RIMS2: variants seen among roughly 807,000 people sequenced by gnomAD.
RIMS2 encodes the protein regulating synaptic membrane exocytosis protein 2.
A neutral mutation model predicts 174.4 loss-of-function variants in RIMS2; 59 were observed. The ratio of observed to expected loss-of-function variants is 0.34; its 90% CI spans 0.27 to 0.42. The LOEUF (loss-of-function observed/expected upper bound fraction) is 0.42. Ranked by LOEUF, RIMS2 falls within the 10% of genes least tolerant of loss-of-function variation. The pLI is 1.00. For missense variants in RIMS2, 1,620 were observed against 1,666.3 expected (o/e 0.97, Z 0.48); for synonymous variants, 606 against 572.5 (o/e 1.06, Z -0.84).
At chr8:103,613,563 G>A (rs960410546) in intron 1 of RIMS2, among the ~76,000 whole-genome samples, 1 of 152,168 alleles carries the variant, frequency 6.6e-6, no homozygotes, top group Non-Finnish European at 1.5e-5. Context: ...GCCTGGACTG[G>A]TACCTAAGAT....
chr8:103,899,046 T>C (rs1594787766), intron 4 of RIMS2, among the ~76,000 whole-genome samples: 2 of 151,880 alleles, frequency 1.3e-5, no homozygotes, highest in East Asian at 3.9e-4. Flanking sequence ...ACAAAGGACA[T>C]GAACTCATCA....
At chr8:103,547,376 A>G (rs889966431) in intron 1 of RIMS2, among the ~76,000 whole-genome samples, 1 of 152,208 alleles carries the variant, frequency 6.6e-6, no homozygotes, top group Non-Finnish European at 1.5e-5. Context: ...CCATGCAGTT[A>G]CATGGAAATT....
At chr8:103,620,646 A>C (rs2095612769) in intron 1 of RIMS2, among the ~76,000 whole-genome samples, 1 of 151,340 alleles carries the variant, frequency 6.6e-6, no homozygotes, top group Non-Finnish European at 1.5e-5. Context: ...CCTAGTCCCG[A>C]TTCTTAGTTA....
chr8:103,753,436 G>A (rs1308499612), intron 2 of RIMS2, among the ~76,000 whole-genome samples: 1 of 152,170 alleles, frequency 6.6e-6, no homozygotes, highest in Non-Finnish European at 1.5e-5. Flanking sequence ...GTATCAGGAT[G>A]ATGCTGGCCT....
At chr8:103,516,768 T>C (rs1383314174) in intron 1 of RIMS2, among the ~76,000 whole-genome samples, 1 of 151,978 alleles carries the variant, frequency 6.6e-6, no homozygotes, top group African/African-American at 2.4e-5. Flanking sequence ...AATAACCCAA[T>C]TGGGACAAAA....
Position 104,076,461 on chromosome 8 carries a change from T to C in RIMS2, c.3334+61846T>C, listed in dbSNP as rs1012020391. Among the ~76,000 whole-genome samples, 3 of 152,186 alleles carry C rather than the reference T, an allele frequency of 2.0e-5. No individual in the cohort carries two copies. In the South Asian group the frequency reaches 6.2e-4, roughly 32 times the overall value. On this transcript the variant is annotated intron_variant, in intron 19 of 23. Transcript: ENST00000504942. ...ATGAGATAAGTAAAAGAAGGGGTGA[T>C]GTCAAGAGAGAAGGAGCCATTGGAA...
intron 19 of RIMS2, chr8:104,223,582 C>T (rs2099166772): frequency 2.0e-5 from 29 of 1,484,246 alleles, no homozygotes; most frequent in Non-Finnish European, 2.6e-5. Context: ...GGAACCGCTG[C>T]GGACGCTGCG....
chr8:103,503,362 T>C (rs1355321078), intron 1 of RIMS2, among the ~76,000 whole-genome samples: 1 of 151,932 alleles, frequency 6.6e-6, no homozygotes. Flanking sequence ...ATTATAGTAA[T>C]GAGAGACAAA....
At chr8:103,942,381 T>C (rs1303764938) in intron 13 of RIMS2, among the ~76,000 whole-genome samples, 1 of 152,218 alleles carries the variant, frequency 6.6e-6, no homozygotes, top group Non-Finnish European at 1.5e-5. Flanking sequence ...ATATTTTCTT[T>C]ATCCAGTCGT....
chr8:104,179,238 A>G (rs943227065), intron 19 of RIMS2, among the ~76,000 whole-genome samples: 12 of 152,080 alleles, frequency 7.9e-5, no homozygotes, highest in Non-Finnish European at 1.6e-4. Context: ...TTTCTTGGTT[A>G]TATTCTTATT....
chr8:103,978,288 G>C (rs191575134), intron 16 of RIMS2, among the ~76,000 whole-genome samples: 3 of 120,290 alleles, frequency 2.5e-5, no homozygotes, highest in Admixed American at 2.3e-4. Context: ...ATCATAACAG[G>C]GGCTCAAACA....
At chr8:104,167,861 C>T (rs1192271838) in intron 19 of RIMS2, among the ~76,000 whole-genome samples, 2 of 151,530 alleles carry the variant, frequency 1.3e-5, no homozygotes, top group African/African-American at 4.8e-5. Flanking sequence ...GGTGAGAGGA[C>T]CCAGTTTTAT....
At chr8:104,036,724 A>G (rs1230263582) in intron 19 of RIMS2, among the ~76,000 whole-genome samples, 1 of 151,734 alleles carries the variant, frequency 6.6e-6, no homozygotes, top group Non-Finnish European at 1.5e-5. Context: ...TAAAAATACA[A>G]AAGTTAGCTG....
chr8:103,983,008 G>C (rs917087170), intron 16 of RIMS2, among the ~76,000 whole-genome samples: 1 of 152,016 alleles, frequency 6.6e-6, no homozygotes, highest in Non-Finnish European at 1.5e-5. Context: ...AAACCTAAAG[G>C]CTCCACCAAA....
At chr8:104,014,584 A>G in exon 19 of RIMS2, 1 of 1,612,666 alleles carries the variant, frequency 6.2e-7, no homozygotes. Flanking sequence ...GACAGCTTCC[A>G]CAGCTTCCAC....
chr8:103,756,147 C>T lies in RIMS2; in HGVS notation c.388-10080C>T, dbSNP rs1248981263. Among the ~76,000 whole-genome samples, 4 of 152,204 alleles carry T rather than the reference C, an allele frequency of 2.6e-5. No individual in the cohort carries two copies. The East Asian group carries it at 7.7e-4, about 29-fold the overall frequency. On this transcript the variant is annotated intron_variant, in intron 2 of 23. Transcript: ENST00000504942. ...CCTTTTTGTTGATGTTGATGGTACT[C>T]CTTTCTGTTTGTTAGTTTTCCTACT...
At chr8:103,626,778 AC>A in intron 1 of RIMS2, among the ~76,000 whole-genome samples, 1 of 152,082 alleles carries the variant, frequency 6.6e-6, no homozygotes, top group East Asian at 1.9e-4. Flanking sequence ...CATGATGGCG[AC>A]CTTGAGCCGC....
chr8:103,983,654 G>A (rs11783738), intron 16 of RIMS2, among the ~76,000 whole-genome samples: 19,318 of 152,042 alleles, frequency 0.13, 1,704 homozygotes, highest in Non-Finnish European at 0.19. Flanking sequence ...GAGAAAGGAA[G>A]GTCTCTTCAA....
chr8:103,688,534 C>G (rs1344014716), intron 1 of RIMS2, among the ~76,000 whole-genome samples: 3 of 152,012 alleles, frequency 2.0e-5, no homozygotes, highest in African/African-American at 7.2e-5. Flanking sequence ...GGTTTTGCAT[C>G]TATGTTCATC....
Sources: allele counts gnomAD v4.1 joint callset (sites outside exome capture counted in the v4.1 genomes callset), GRCh38; gene constraint gnomAD v4.1.1; transcripts MANE v1.5; gene names NCBI Gene and HGNC (gene_info 2026-07-23, HGNC 2026-07-21).